The following RIC1 variants were observed in gnomAD, a reference collection of about 807,000 sequenced individuals.
RIC1 encodes guanine nucleotide exchange factor subunit RIC1.
A neutral mutation model predicts 169.0 loss-of-function variants in RIC1; 88 were observed. The ratio of observed to expected loss-of-function variants is 0.52; its 90% confidence interval spans 0.44 to 0.62. The LOEUF is 0.62. Among genes scored for constraint, RIC1 ranks in the 20% least tolerant of loss-of-function variants. RIC1 has a pLI of 0.00. For missense variants in RIC1, 1,877 were observed against 1,725.5 expected (o/e 1.09, Z -1.56); for synonymous variants, 790 against 601.5 (o/e 1.31, Z -4.59).
At chr9:5,716,225 A>T (rs752782969) in intron 4 of RIC1, among the ~76,000 whole-genome samples, 7 of 152,216 alleles carry the variant, frequency 4.6e-5, no homozygotes, top group Admixed American at 4.6e-4. Flanking sequence ...AATGAAGTCA[A>T]TGATTGAAGA....
At chr9:5,755,694 G>A (rs184943050) in intron 15 of RIC1, among the ~76,000 whole-genome samples, 60 of 152,246 alleles carry the variant, frequency 3.9e-4, no homozygotes, top group Non-Finnish European at 6.6e-4. Flanking sequence ...AGGCTAAGGC[G>A]GGTGGATCAC....
intron 2 of RIC1, among the ~76,000 whole-genome samples, chr9:5,673,681 G>A (rs1362865089): frequency 1.3e-5 from 2 of 151,392 alleles, no homozygotes; most frequent in African/African-American, 2.4e-5. Context: ...AGTAGTAAGT[G>A]TATCTATGAA....
At chr9:5,708,771 T>C (rs1822753985) in intron 3 of RIC1, among the ~76,000 whole-genome samples, 1 of 152,178 alleles carries the variant, frequency 6.6e-6, no homozygotes, top group Non-Finnish European at 1.5e-5. Context: ...AGAAAGACTC[T>C]TGGCTTTCTC....
At chr9:5,697,071 G>T (rs568613176) in intron 3 of RIC1, among the ~76,000 whole-genome samples, 5 of 152,206 alleles carry the variant, frequency 3.3e-5, no homozygotes, top group South Asian at 2.1e-4. Flanking sequence ...TTCTTTGCCT[G>T]TATTTGTGGA....
chr9:5,753,117 G>C (rs1563951235), intron 12 of RIC1, 83 bp from the exon 13 acceptor site: 3 of 1,238,802 alleles, frequency 2.4e-6, no homozygotes, highest in Non-Finnish European at 3.6e-6. Flanking sequence ...TCGGCAAGAT[G>C]AATCTCATAG....
At chr9:5,742,813 A>AAAAC in intron 8 of RIC1, 56 bp from the exon 9 acceptor site, 2 of 1,469,958 alleles carry the variant, frequency 1.4e-6, no homozygotes, top group Non-Finnish European at 1.9e-6. Flanking sequence ...AAAAAAAAAA[A>AAAAC]CAAGTATTTC....
Position 5,769,160 on chromosome 9 carries a change from G to A in RIC1, c.3328G>A (p.Ala1110Thr), listed in dbSNP as rs59270301. ...RAARVDNFVI[A>T]LKRLHKDFLW... ...CGCCCGGGTAGACAACTTTGTAATA[G>A]CCCTGAAGAGACTCCACAAAGATTT... Residue 1110 changes from alanine (A) to threonine (T), a missense_variant, in exon 22 of 26, where the codon GCC becomes ACC. Around this residue, in one of 3 missense-constraint regions of RIC1, gnomAD observed 681 missense variants for 582.0 expected, o/e 1.17. Coordinates refer to ENST00000414202, the MANE Select transcript of RIC1 (RefSeq NM_020829.4). 2 of 1,614,058 alleles carry A rather than the reference G, an allele frequency of 1.2e-6. No individual in the cohort carries two copies. Among genetic ancestry groups the A allele is most frequent in the Non-Finnish European group, 8.5e-7 (1 of 1,179,994 alleles).
chr9:5,679,119 T>G (rs1232299305), intron 2 of RIC1, among the ~76,000 whole-genome samples: 1 of 152,218 alleles, frequency 6.6e-6, no homozygotes, highest in Non-Finnish European at 1.5e-5. Flanking sequence ...CCCCATTTCT[T>G]GTTTTTGTCA....
chr9:5,657,942 T>C (rs939969006), intron 2 of RIC1, among the ~76,000 whole-genome samples: 4 of 152,122 alleles, frequency 2.6e-5, no homozygotes, highest in African/African-American at 9.7e-5. Flanking sequence ...TCCTCACTGA[T>C]TTATGTATTG....
intron 1 of RIC1, among the ~76,000 whole-genome samples, chr9:5,636,467 C>G (rs75261370): frequency 3.3e-5 from 5 of 151,950 alleles, no homozygotes; most frequent in Non-Finnish European, 5.9e-5. Context: ...TTACAGGTGC[C>G]TGCCACCATA....
chr9:5,727,816 C>T (rs1443463970), intron 6 of RIC1, among the ~76,000 whole-genome samples: 2 of 152,176 alleles, frequency 1.3e-5, no homozygotes, highest in African/African-American at 2.4e-5. Context: ...CACTCCAGAC[C>T]CTGTTTGCCT....
intron 1 of RIC1, among the ~76,000 whole-genome samples, chr9:5,629,898 C>G (rs1379705097): frequency 6.6e-6 from 1 of 152,226 alleles, no homozygotes; most frequent in South Asian, 2.1e-4. Context: ...TTGGGCTTTA[C>G]CCAGCGCCAG....
At chr9:5,663,310 A>C (rs1230667859) in intron 2 of RIC1, among the ~76,000 whole-genome samples, 1 of 152,134 alleles carries the variant, frequency 6.6e-6, no homozygotes, top group Admixed American at 6.5e-5. Context: ...CTGTTGTTTT[A>C]GGATGGAGAG....
intron 3 of RIC1, among the ~76,000 whole-genome samples, chr9:5,693,953 T>G (rs1278105603): frequency 6.6e-6 from 1 of 151,984 alleles, no homozygotes; most frequent in East Asian, 1.9e-4. Context: ...TACATTTAAT[T>G]ATTATATAGT....
At chr9:5,673,764 A>G (rs1020672311) in intron 2 of RIC1, among the ~76,000 whole-genome samples, 5 of 151,894 alleles carry the variant, frequency 3.3e-5, no homozygotes, top group African/African-American at 9.7e-5. Flanking sequence ...TAAGATTCCA[A>G]TTTTGTGTGA....
intron 25 of RIC1, 195 bp downstream of exon 25, chr9:5,773,275 C>G (rs1022514157): frequency 9.1e-6 from 2 of 219,386 alleles, no homozygotes; most frequent in Admixed American, 5.6e-5. Context: ...ATAATTCCAT[C>G]GAGTAAGGTT....
At chr9:5,651,419 T>C (rs1002006706) in intron 1 of RIC1, among the ~76,000 whole-genome samples, 2 of 152,100 alleles carry the variant, frequency 1.3e-5, no homozygotes, top group Non-Finnish European at 1.5e-5. Context: ...AAGCCCCTCC[T>C]CTATTTTTGC....
chr9:5,665,229 C>G (rs1266434629), intron 2 of RIC1, among the ~76,000 whole-genome samples: 2 of 151,894 alleles, frequency 1.3e-5, no homozygotes, highest in African/African-American at 2.4e-5. Flanking sequence ...TTAACTTCCT[C>G]TCTAAACTGG....
chr9:5,699,747 C>G (rs994298725), intron 3 of RIC1, among the ~76,000 whole-genome samples: 2 of 152,018 alleles, frequency 1.3e-5, no homozygotes, highest in Non-Finnish European at 2.9e-5. Flanking sequence ...ACAACACTTT[C>G]TGATGTATGT....
Sources: allele counts gnomAD v4.1 joint callset (sites outside exome capture counted in the v4.1 genomes callset), GRCh38; gene constraint gnomAD v4.1.1; regional missense constraint gnomAD v4.1.1; transcripts MANE v1.5; gene names NCBI Gene and HGNC (gene_info 2026-07-23, HGNC 2026-07-21).